NAALADL2: variants seen among roughly 807,000 people sequenced by gnomAD.
NAALADL2 encodes inactive N-acetylated-alpha-linked acidic dipeptidase-like protein 2.
NAALADL2 carries 76 observed loss-of-function variants against 87.2 expected under a neutral mutation model. That is an observed-to-expected ratio of 0.87 (90% CI 0.72 to 1.05). The LOEUF is 1.05. Ranked by LOEUF, NAALADL2 falls within the 50% of genes least tolerant of loss-of-function variation. The probability of loss-of-function intolerance (pLI) is 0.00; values close to 1 mark genes in which losing one functional copy is unlikely to be tolerated. For missense variants in NAALADL2, 1,089 were observed against 945.8 expected, an observed-to-expected ratio of 1.15 and a Z score of -1.99; for synonymous variants, 354 against 331.0, an observed-to-expected ratio of 1.07 and a Z score of -0.75.
chr3:175,260,227 C>G (rs374501711), intron 4 of NAALADL2, among the ~76,000 whole-genome samples: 1 of 152,160 alleles, frequency 6.6e-6, no homozygotes, highest in East Asian at 1.9e-4. Flanking sequence ...ATATCATTTT[C>G]CCTGATAATT....
At chr3:174,658,514 T>C (rs2108772780) in intron 2 of NAALADL2, among the ~76,000 whole-genome samples, 1 of 152,278 alleles carries the variant, frequency 6.6e-6, no homozygotes, top group South Asian at 2.1e-4. Flanking sequence ...TTTGTGTAAG[T>C]ATTTTTCCAG....
intron 1 of NAALADL2, among the ~76,000 whole-genome samples, chr3:174,882,402 A>T (rs549224901): frequency 1.1e-4 from 16 of 149,942 alleles, no homozygotes; most frequent in Non-Finnish European, 2.1e-4. Context: ...CGGAACTAAT[A>T]TAATGTATAT....
intron 2 of NAALADL2, among the ~76,000 whole-genome samples, chr3:175,134,207 T>G (rs760305552): frequency 2.6e-5 from 4 of 152,232 alleles, no homozygotes; most frequent in Non-Finnish European, 5.9e-5. Flanking sequence ...TCAAGTGCCA[T>G]GTGAGATATC....
chr3:175,562,997 GTAA>G (rs1180729104), intron 9 of NAALADL2, among the ~76,000 whole-genome samples: 1 of 151,648 alleles, frequency 6.6e-6, no homozygotes, highest in Non-Finnish European at 1.5e-5. Context: ...TTATGTAGTA[GTAA>G]TGATAATTTA....
chr3:175,225,206 C>G (rs1192753495), intron 2 of NAALADL2, among the ~76,000 whole-genome samples: 3 of 152,122 alleles, frequency 2.0e-5, no homozygotes. Flanking sequence ...AAAAATATAT[C>G]TTCCCCATTA....
At chr3:175,790,862 C>T (rs908376393) in intron 13 of NAALADL2, among the ~76,000 whole-genome samples, 1 of 152,142 alleles carries the variant, frequency 6.6e-6, no homozygotes, top group Admixed American at 6.6e-5. Context: ...CTAATTAAAT[C>T]ATGTAATTTT....
chr3:174,750,464 G>C (rs199757106), intron 3 of NAALADL2, among the ~76,000 whole-genome samples: 1 of 10 alleles, frequency 0.1, no homozygotes, highest in Non-Finnish European at 0.25. Flanking sequence ...GACTTCTGCT[G>C]CTGTTGCCCA....
At chr3:174,509,955 A>G (rs1334801503) in intron 1 of NAALADL2, among the ~76,000 whole-genome samples, 1 of 152,148 alleles carries the variant, frequency 6.6e-6, no homozygotes, top group Non-Finnish European at 1.5e-5. Context: ...TATCATGAAT[A>G]GGTGTCAAAT....
intron 1 of NAALADL2, among the ~76,000 whole-genome samples, chr3:175,043,892 G>A (rs1055888320): frequency 6.6e-6 from 1 of 152,082 alleles, no homozygotes; most frequent in Admixed American, 6.6e-5. Context: ...TTTTAGGATT[G>A]TTTCATCTAT....
At chr3:174,744,848 C>T (rs777647235) in intron 3 of NAALADL2, among the ~76,000 whole-genome samples, 1 of 152,028 alleles carries the variant, frequency 6.6e-6, no homozygotes, top group African/African-American at 2.4e-5. Context: ...TGAATGACTC[C>T]TAAGTAAATC....
chr3:175,426,635 C>A (rs1438197264), intron 5 of NAALADL2, among the ~76,000 whole-genome samples: 6 of 152,158 alleles, frequency 3.9e-5, no homozygotes, highest in Admixed American at 3.9e-4. Context: ...TAATCCAACT[C>A]TTGCTATGAT....
chr3:175,783,342 G>A (rs368880617), intron 13 of NAALADL2, among the ~76,000 whole-genome samples: 1 of 151,684 alleles, frequency 6.6e-6, no homozygotes, highest in Non-Finnish European at 1.5e-5. Flanking sequence ...CCATGAGCAT[G>A]GAATGTTCTT....
chr3:175,770,661 A>AT (rs1420313339), intron 13 of NAALADL2, among the ~76,000 whole-genome samples: 2 of 152,230 alleles, frequency 1.3e-5, no homozygotes, highest in African/African-American at 4.8e-5. Context: ...AGTGCCTCCA[A>AT]TTTTTTTATT....
At chr3:175,519,286 A>G (rs1390784867) in intron 9 of NAALADL2, among the ~76,000 whole-genome samples, 1 of 152,206 alleles carries the variant, frequency 6.6e-6, no homozygotes, top group Non-Finnish European at 1.5e-5. Flanking sequence ...TCTCTTACAC[A>G]CTTTAGGGAA....
chr3:174,501,180 G>A (rs949414744), intron 1 of NAALADL2, among the ~76,000 whole-genome samples: 1 of 142,456 alleles, frequency 7.0e-6, no homozygotes, highest in African/African-American at 2.7e-5. Flanking sequence ...CCGGGTTCAC[G>A]CCATTCTCCT....
chr3:175,626,903 T>C (rs546264964), intron 10 of NAALADL2, among the ~76,000 whole-genome samples: 6 of 151,950 alleles, frequency 3.9e-5, no homozygotes, highest in Admixed American at 2.0e-4. Flanking sequence ...ATATCTCCAG[T>C]TCAGAATTTG....
chr3:174,635,647 C>T (rs1290557003), intron 2 of NAALADL2, among the ~76,000 whole-genome samples: 5 of 151,996 alleles, frequency 3.3e-5, no homozygotes, highest in Admixed American at 3.3e-4. Context: ...GGATTACAGG[C>T]ATGTGCCACC....
intron 10 of NAALADL2, among the ~76,000 whole-genome samples, chr3:175,624,946 G>A (rs1236884698): frequency 6.6e-6 from 1 of 151,922 alleles, no homozygotes; most frequent in Non-Finnish European, 1.5e-5. Flanking sequence ...TTCTAGCATC[G>A]AGTTCCTAAC....
At chr3:174,508,554 A>C (rs954342635) in intron 1 of NAALADL2, among the ~76,000 whole-genome samples, 1 of 152,210 alleles carries the variant, frequency 6.6e-6, no homozygotes, top group Non-Finnish European at 1.5e-5. Context: ...TCAATAGAAC[A>C]ATTTGGGGAG....
Sources: gnomAD v4.1 joint callset for allele counts (sites outside exome capture counted in the v4.1 genomes callset) on GRCh38, gnomAD v4.1.1 for gene constraint, MANE v1.5 for transcripts, NCBI Gene and HGNC (gene_info 2026-07-23, HGNC 2026-07-21) for gene names.